The following COG5 variants were observed in gnomAD, a reference collection of about 807,000 sequenced individuals.
The protein encoded by COG5 is component of oligomeric golgi complex 5.
Under a neutral mutation model 110.4 loss-of-function variants are expected in COG5, and 86 were observed. The observed-to-expected ratio is 0.78, with a 90% CI of 0.65 to 0.93. COG5 has a LOEUF of 0.93. Among genes scored for constraint, COG5 ranks in the 40% least tolerant of loss-of-function variants. COG5 has a pLI of 0.00. For missense variants in COG5, 1,077 were observed against 987.0 expected (o/e 1.09, Z -1.22); for synonymous variants, 360 against 334.6 (o/e 1.08, Z -0.83).
At chr7:107,434,064 A>G (rs1794202191) in intron 6 of COG5, among the ~76,000 whole-genome samples, 1 of 152,212 alleles carries the variant, frequency 6.6e-6, no homozygotes, top group Admixed American at 6.5e-5. Context: ...AAGATGTTCA[A>G]CATCAGTAAT....
intron 10 of COG5, among the ~76,000 whole-genome samples, chr7:107,355,095 C>T (rs927926738): frequency 6.6e-6 from 1 of 152,196 alleles, no homozygotes; most frequent in East Asian, 1.9e-4. Context: ...AAATAATGAG[C>T]GTAGCAGGAC....
chr7:107,371,588 G>A (rs1227968546), intron 8 of COG5, among the ~76,000 whole-genome samples: 4 of 152,056 alleles, frequency 2.6e-5, no homozygotes, highest in Non-Finnish European at 5.9e-5. Context: ...AATGGGAGGA[G>A]AAAAACCAGA....
chr7:107,481,000 T>A (rs1797306603), intron 6 of COG5: 1 of 152,192 alleles, frequency 6.6e-6, no homozygotes, highest in African/African-American at 2.4e-5. Context: ...CCATAAGCTG[T>A]ATCCATGGCT....
At chr7:107,309,499 G>A (rs1203733218) in intron 11 of COG5, among the ~76,000 whole-genome samples, 1 of 152,180 alleles carries the variant, frequency 6.6e-6, no homozygotes, top group Non-Finnish European at 1.5e-5. Context: ...GCAGAGCCCA[G>A]TGGGAGACAC....
At chr7:107,384,448 C>T (rs1229564350) in intron 7 of COG5, among the ~76,000 whole-genome samples, 1 of 152,110 alleles carries the variant, frequency 6.6e-6, no homozygotes, top group Non-Finnish European at 1.5e-5. Context: ...TGTGTGGAAC[C>T]TGGGATTTGA....
chr7:107,262,180 C>T (rs6466162), intron 14 of COG5, among the ~76,000 whole-genome samples: 27,264 of 152,040 alleles, frequency 0.18, 2,653 homozygotes, highest in Non-Finnish European at 0.22. Context: ...CATGAGCCAC[C>T]GCACCGGCCG....
chr7:107,267,494 A>G (rs2116693614), intron 14 of COG5, among the ~76,000 whole-genome samples: 1 of 152,342 alleles, frequency 6.6e-6, no homozygotes, highest in East Asian at 1.9e-4. Context: ...AGAACTGTTC[A>G]CTTTCAGGTA....
chr7:107,444,756 A>AAAGTAACACATC (rs1794908428), intron 6 of COG5, among the ~76,000 whole-genome samples: 1 of 152,342 alleles, frequency 6.6e-6, no homozygotes, highest in Admixed American at 6.5e-5. Flanking sequence ...GAAACACATC[A>AAAGTAACACATC]AAATTGAATT....
chr7:107,205,465 AT>A (rs1241390176), intron 21 of COG5, among the ~76,000 whole-genome samples: 1 of 152,158 alleles, frequency 6.6e-6, no homozygotes, highest in Non-Finnish European at 1.5e-5. Flanking sequence ...TATTTGCCCC[AT>A]TTGTATGGCC....
At chr7:107,475,460 G>A in intron 6 of COG5, 1 of 603,718 alleles carries the variant, frequency 1.7e-6, no homozygotes, top group Non-Finnish European at 2.9e-6. Flanking sequence ...AATATTTTAA[G>A]TATTGGTTAT....
chr7:107,205,492 C>G (rs529586498), intron 21 of COG5, among the ~76,000 whole-genome samples: 154 of 152,276 alleles, frequency 1.0e-3, no homozygotes, highest in African/African-American at 3.5e-3. Context: ...TGGCTGCCCA[C>G]CTAGGGAAAG....
intron 2 of COG5, among the ~76,000 whole-genome samples, chr7:107,556,668 T>A (rs532032189): frequency 9.8e-5 from 15 of 152,378 alleles, no homozygotes; most frequent in Middle Eastern, 6.8e-3. Flanking sequence ...TCTGTCTGTG[T>A]CTGCCACTGG....
chr7:107,275,030 C>T (rs1359727035), intron 14 of COG5, among the ~76,000 whole-genome samples: 1 of 152,074 alleles, frequency 6.6e-6, no homozygotes, highest in African/African-American at 2.4e-5. Context: ...GGGCTCAAAG[C>T]AATCCTTCTG....
intron 16 of COG5, among the ~76,000 whole-genome samples, chr7:107,251,490 T>C (rs988339541): frequency 2.0e-5 from 3 of 152,196 alleles, no homozygotes; most frequent in African/African-American, 2.4e-5. Context: ...ATAAACTTGC[T>C]TTTACTTAAA....
intron 12 of COG5, among the ~76,000 whole-genome samples, chr7:107,289,494 CT>C (rs1214956060): frequency 6.6e-6 from 1 of 151,936 alleles, no homozygotes; most frequent in Non-Finnish European, 1.5e-5. Context: ...CTTGAAATTC[CT>C]TATGAATTTT....
At chr7:107,287,432 C>T (rs1335275547) in intron 12 of COG5, among the ~76,000 whole-genome samples, 1 of 152,134 alleles carries the variant, frequency 6.6e-6, no homozygotes, top group East Asian at 1.9e-4. Flanking sequence ...TTTTGCCAGG[C>T]TTTGACACAA....
intron 6 of COG5, among the ~76,000 whole-genome samples, chr7:107,510,024 G>C (rs572082778): frequency 1.1e-4 from 17 of 152,268 alleles, no homozygotes; most frequent in Non-Finnish European, 1.5e-5. Context: ...ACATCATAAT[G>C]ACAAGACCAA....
intron 1 of COG5, among the ~76,000 whole-genome samples, chr7:107,559,753 G>A (rs1803626061): frequency 6.6e-6 from 1 of 152,192 alleles, no homozygotes; most frequent in Non-Finnish European, 1.5e-5. Flanking sequence ...TAAGAGTCCT[G>A]TCAGCCAGAC....
At chr7:107,463,101 G>C (rs147352464) in intron 6 of COG5, among the ~76,000 whole-genome samples, 10 of 152,308 alleles carry the variant, frequency 6.6e-5, no homozygotes, top group Admixed American at 2.0e-4. Context: ...AAGTGAAACA[G>C]GCCCAGGTAT....
Sources: allele counts gnomAD v4.1 joint callset (sites outside exome capture counted in the v4.1 genomes callset), GRCh38; gene constraint gnomAD v4.1.1; transcripts MANE v1.5; gene names NCBI Gene and HGNC (gene_info 2026-07-23, HGNC 2026-07-21).